CCNY: variants seen among roughly 807,000 people sequenced by gnomAD.
CCNY encodes cyclin-Y.
Under a neutral mutation model 42.8 loss-of-function variants are expected in CCNY, and 19 were observed. That is an observed-to-expected ratio of 0.44 (90% CI 0.31 to 0.65). The LOEUF is 0.65. CCNY is among the 30% of genes least tolerant of loss of function. CCNY has a pLI of 0.07. For synonymous variants in CCNY, 165 were observed against 162.7 expected, an observed-to-expected ratio of 1.01 and a Z score of -0.11; for missense variants, 370 against 437.3, an observed-to-expected ratio of 0.85 and a Z score of 1.37.
intron 3 of CCNY, among the ~76,000 whole-genome samples, chr10:35,317,910 C>T (rs974275435): frequency 3.3e-5 from 5 of 152,226 alleles, no homozygotes; most frequent in Non-Finnish European, 5.9e-5. Flanking sequence ...GTTAGTAACA[C>T]ATACATGCAG....
At chr10:35,279,110 G>GTT (rs869276523) in intron 3 of CCNY, among the ~76,000 whole-genome samples, 1,073 of 102,488 alleles carry the variant, frequency 0.01, 2 homozygotes, top group Non-Finnish European at 0.012. Context: ...AGCTTTCAAT[G>GTT]TTTTTTTTTT....
At position 35,420,842 on chromosome 10, in the gene CCNY, A is replaced by G. The variant is rs139378108; in HGVS notation, c.155-62562A>G. 5.5e-3 allele frequency among the ~76,000 whole-genome samples: 837 copies of G among 152,362 alleles called. 12 individuals are homozygous for G. The highest frequency in any genetic ancestry group is 0.019 in the African/African-American group (795 of 41,584). Reference sequence around the variant, plus strand: ...CTGTTAATTCACAGCCTAAATGGCAATGAGTCTGAATTCTAATTTCAAAAT... The same window carrying G: ...CTGTTAATTCACAGCCTAAATGGCAGTGAGTCTGAATTCTAATTTCAAAAT... On this transcript the variant is annotated intron_variant, in intron 1 of 9. Coordinates refer to ENST00000374704, the MANE Select transcript of CCNY (RefSeq NM_145012.6).
intron 1 of CCNY, among the ~76,000 whole-genome samples, chr10:35,479,771 A>G (rs1169079749): frequency 6.6e-6 from 1 of 152,180 alleles, no homozygotes; most frequent in Non-Finnish European, 1.5e-5. Flanking sequence ...TAATAAAAAA[A>G]AAAGAAAAAC....
chr10:35,524,505 T>C (rs982488140), intron 4 of CCNY, among the ~76,000 whole-genome samples: 17 of 152,350 alleles, frequency 1.1e-4, no homozygotes, highest in African/African-American at 3.4e-4. Context: ...TGCGTGCTCA[T>C]GTCTCTAAGC....
chr10:35,468,936 T>G (rs1354836937), intron 1 of CCNY, among the ~76,000 whole-genome samples: 2 of 152,216 alleles, frequency 1.3e-5, no homozygotes, highest in African/African-American at 4.8e-5. Flanking sequence ...TAATTCAGGT[T>G]TTTGCTAAGA....
intron 1 of CCNY, among the ~76,000 whole-genome samples, 163 bp from the exon 2 acceptor site, chr10:35,483,241 G>C (rs927196644): frequency 6.6e-6 from 1 of 152,160 alleles, no homozygotes; most frequent in Non-Finnish European, 1.5e-5. Context: ...CTAAATAGCA[G>C]TGTTCTGAAT....
intron 3 of CCNY, among the ~76,000 whole-genome samples, chr10:35,295,438 G>A (rs1434693159): frequency 6.6e-6 from 1 of 151,948 alleles, no homozygotes; most frequent in South Asian, 2.1e-4. Context: ...CTCCATGTTG[G>A]TCAGGCTGGT....
At chr10:35,301,978 T>G (rs190669272) in intron 3 of CCNY, among the ~76,000 whole-genome samples, 1 of 150,716 alleles carries the variant, frequency 6.6e-6, no homozygotes, top group Non-Finnish European at 1.5e-5. Context: ...TTATTTATTT[T>G]TTGAGGCGGA....
intron 1 of CCNY, among the ~76,000 whole-genome samples, chr10:35,409,744 A>C (rs1226845315): frequency 6.6e-6 from 1 of 152,172 alleles, no homozygotes; most frequent in Admixed American, 6.5e-5. Context: ...TGAAAAAAGC[A>C]ATCTGTGATT....
chr10:35,415,749 A>G (rs1011396544), intron 1 of CCNY, among the ~76,000 whole-genome samples: 1 of 151,916 alleles, frequency 6.6e-6, no homozygotes, highest in African/African-American at 2.4e-5. Flanking sequence ...TTTGGGGGAG[A>G]TTGGGAATGT....
intron 3 of CCNY, among the ~76,000 whole-genome samples, chr10:35,296,027 G>A (rs938138478): frequency 2.0e-5 from 3 of 152,198 alleles, no homozygotes; most frequent in Admixed American, 2.0e-4. Context: ...AGCTAAGGCA[G>A]TGTTGAGGGA....
intron 3 of CCNY, among the ~76,000 whole-genome samples, chr10:35,317,941 A>G (rs1484010877): frequency 6.6e-6 from 1 of 152,200 alleles, no homozygotes; most frequent in Non-Finnish European, 1.5e-5. Context: ...TATCTTACAT[A>G]GTTCCAGCCT....
chr10:35,337,782 A>G (rs1394808540), intron 1 of CCNY, among the ~76,000 whole-genome samples: 2 of 152,086 alleles, frequency 1.3e-5, no homozygotes, highest in Admixed American at 1.3e-4. Flanking sequence ...GATTAGTCAA[A>G]TAGCTTCTCC....
rs1235842810 is a variant in CCNY at position 35,336,905 on chromosome 10, G to A, written c.-149G>A. 1.2e-5 allele frequency: 2 copies of A among 163,818 alleles called. No homozygotes were observed. Among genetic ancestry groups the A allele is most frequent in the Non-Finnish European group, 1.4e-5 (2 of 147,876 alleles). 10.1% of individuals were successfully genotyped at this position (163,818 alleles called of 1,614,324 possible). A position where few individuals can be genotyped will look rare whatever the true frequency, so the allele number is the denominator to read the frequency against. Reference sequence around the variant, plus strand: ...CGCCGCCGCCGCCGCTGCTGACCCGGCGGCCGGCCGCCGTTCCGCCCCCTC... The same window carrying A: ...CGCCGCCGCCGCCGCTGCTGACCCGACGGCCGGCCGCCGTTCCGCCCCCTC... On this transcript the variant is annotated 5_prime_UTR_variant, in exon 1 of 10. Transcript: ENST00000374704.
intron 1 of CCNY, among the ~76,000 whole-genome samples, chr10:35,411,774 A>AT (rs1491288782): frequency 6.6e-6 from 1 of 152,182 alleles, no homozygotes; most frequent in Non-Finnish European, 1.5e-5. Flanking sequence ...TGGTCAGGCC[A>AT]TATCTATTGT....
intron 1 of CCNY, among the ~76,000 whole-genome samples, chr10:35,435,587 A>G (rs188288397): frequency 6.6e-6 from 1 of 152,348 alleles, no homozygotes; most frequent in African/African-American, 2.4e-5. Flanking sequence ...CTTAACCTTT[A>G]TTTTAAAGAT....
chr10:35,350,560 A>G (rs192403141), intron 1 of CCNY, among the ~76,000 whole-genome samples: 1 of 152,298 alleles, frequency 6.6e-6, no homozygotes, highest in African/African-American at 2.4e-5. Context: ...TTGAAATCTC[A>G]GCTGCAGCAT....
intron 1 of CCNY, among the ~76,000 whole-genome samples, chr10:35,414,390 G>A (rs992014957): frequency 1.3e-5 from 2 of 152,206 alleles, no homozygotes; most frequent in African/African-American, 2.4e-5. Flanking sequence ...GCTGCCCCAC[G>A]TTCCGTGTCC....
chr10:35,337,004 C>T lies in CCNY; in HGVS notation c.-50C>T. On this transcript the variant is annotated 5_prime_UTR_variant, in exon 1 of 10. Transcript: ENST00000374704. ...CCCCGCGTCCACCCGCGCCCCGCTC[C>T]CGGGGACTGGGAGAACAGGATAGCA... is the stretch of plus-strand genomic sequence containing the variant. The T allele has an allele frequency of 2.2e-6, 3 of 1,365,084 alleles. No homozygotes were observed. Among genetic ancestry groups the T allele is most frequent in the Non-Finnish European group, 2.9e-6 (3 of 1,039,780 alleles). 84.6% of individuals were successfully genotyped at this position (1,365,084 alleles called of 1,614,324 possible).
Sources: allele counts gnomAD v4.1 joint callset (sites outside exome capture counted in the v4.1 genomes callset), GRCh38; gene constraint gnomAD v4.1.1; transcripts MANE v1.5; gene names NCBI Gene and HGNC (gene_info 2026-07-23, HGNC 2026-07-21).